MEOX2: variants seen among roughly 807,000 people sequenced by gnomAD.
MEOX2 encodes homeobox protein MOX-2.
A neutral mutation model predicts 27.0 loss-of-function variants in MEOX2; 11 were observed. That is an observed-to-expected ratio of 0.41 (90% CI 0.26 to 0.68). MEOX2 has a LOEUF of 0.68. Among genes scored for constraint, MEOX2 ranks in the 30% least tolerant of loss-of-function variants. The pLI is 0.33. For missense variants in MEOX2, 436 were observed against 385.4 expected (o/e 1.13, Z -1.10); for synonymous variants, 189 against 155.4 (o/e 1.22, Z -1.61).
intron 1 of MEOX2, among the ~76,000 whole-genome samples, chr7:15,639,746 T>C (rs1379606229): frequency 6.6e-6 from 1 of 152,066 alleles, no homozygotes; most frequent in Non-Finnish European, 1.5e-5. Context: ...TTATTTTTGT[T>C]GACTTTGTTG....
At chr7:15,673,063 C>G (rs902791369) in intron 1 of MEOX2, among the ~76,000 whole-genome samples, 5 of 152,150 alleles carry the variant, frequency 3.3e-5, no homozygotes, top group African/African-American at 1.2e-4. Context: ...TCAAAACACC[C>G]CTAACAAGGA....
At chr7:15,647,168 A>G (rs533849658) in intron 1 of MEOX2, among the ~76,000 whole-genome samples, 1 of 152,198 alleles carries the variant, frequency 6.6e-6, no homozygotes, top group East Asian at 1.9e-4. Context: ...TTTTTGATAG[A>G]TATCATGCCT....
chr7:15,639,211 T>C (rs866576836), intron 1 of MEOX2, among the ~76,000 whole-genome samples: 4 of 152,098 alleles, frequency 2.6e-5, no homozygotes, highest in Non-Finnish European at 4.4e-5. Flanking sequence ...TTTTTATTTG[T>C]ATTTCACTGA....
chr7:15,612,970 C>T (rs1415801860), intron 2 of MEOX2, among the ~76,000 whole-genome samples: 1 of 152,184 alleles, frequency 6.6e-6, no homozygotes, highest in Non-Finnish European at 1.5e-5. Flanking sequence ...AAGCCCCCCA[C>T]TCCTAAGTTC....
chr7:15,670,950 G>A (rs942615989), intron 1 of MEOX2, among the ~76,000 whole-genome samples: 4 of 152,124 alleles, frequency 2.6e-5, no homozygotes, highest in Admixed American at 1.3e-4. Context: ...CTAATGTCCA[G>A]ATAAAATAAT....
intron 1 of MEOX2, among the ~76,000 whole-genome samples, chr7:15,662,229 T>C (rs1781929341): frequency 6.6e-6 from 1 of 152,020 alleles, no homozygotes. Context: ...AGAATTCTAA[T>C]TTAGCAACTT....
Position 15,612,588 on chromosome 7 carries a change from C to T in MEOX2, c.714G>A (p.Arg238=). The T allele has an allele frequency of 6.2e-7, 1 of 1,614,050 alleles. No individual in the cohort carries two copies. The highest frequency in any genetic ancestry group is 8.5e-7 in the Non-Finnish European group (1 of 1,179,980). The part of the protein sequence containing the change: ...ERQVKVWFQN[R]RMKWKRVKGG... ...CCTTTACCCTCTTCCACTTCATCCG[C>T]CTGTTTTGGAACCAGACTTTCACCT... Residue 238 remains arginine, a synonymous_variant, in exon 3 of 3, where the codon AGG becomes AGA. Transcript: ENST00000262041.
At chr7:15,628,988 G>T (rs187619734) in intron 1 of MEOX2, among the ~76,000 whole-genome samples, 1 of 152,130 alleles carries the variant, frequency 6.6e-6, no homozygotes, top group East Asian at 1.9e-4. Context: ...AAAATCTGTG[G>T]CTGATTATTC....
chr7:15,663,753 T>C (rs184523747), intron 1 of MEOX2, among the ~76,000 whole-genome samples: 59 of 152,328 alleles, frequency 3.9e-4, no homozygotes, highest in African/African-American at 1.3e-3. Context: ...AAACGCACTG[T>C]GGCAGGCATT....
At chr7:15,682,334 A>G (rs1287355458) in intron 1 of MEOX2, among the ~76,000 whole-genome samples, 1 of 151,838 alleles carries the variant, frequency 6.6e-6, no homozygotes, top group African/African-American at 2.4e-5. Context: ...ATACTGAATG[A>G]GGTTGATAAG....
chr7:15,618,897 G>C (rs998760391), intron 2 of MEOX2, among the ~76,000 whole-genome samples: 1 of 151,720 alleles, frequency 6.6e-6, no homozygotes, highest in Admixed American at 6.6e-5. Context: ...CTTCAAAACC[G>C]TCAAAAATTT....
At chr7:15,675,293 A>C (rs1038708328) in intron 1 of MEOX2, among the ~76,000 whole-genome samples, 2 of 152,212 alleles carry the variant, frequency 1.3e-5, no homozygotes, top group African/African-American at 4.8e-5. Context: ...GAAGCTAAGA[A>C]AGTTGATCAC....
chr7:15,663,940 TAGAC>T (rs1182013693), intron 1 of MEOX2, among the ~76,000 whole-genome samples: 5 of 152,306 alleles, frequency 3.3e-5, no homozygotes, highest in Middle Eastern at 3.4e-3. Context: ...TAGATATAGA[TAGAC>T]AGACAGATAG....
At chr7:15,620,567 C>CAAT (rs968173854) in intron 2 of MEOX2, among the ~76,000 whole-genome samples, 2 of 151,826 alleles carry the variant, frequency 1.3e-5, no homozygotes, top group African/African-American at 4.8e-5. Flanking sequence ...ACAACAACAA[C>CAAT]AACAACAAAA....
intron 1 of MEOX2, among the ~76,000 whole-genome samples, chr7:15,641,914 GA>G (rs931408302): frequency 6.6e-6 from 1 of 151,560 alleles, no homozygotes; most frequent in Admixed American, 6.6e-5. Context: ...GTTGCCATTC[GA>G]AAAAAAAGGC....
intron 1 of MEOX2, among the ~76,000 whole-genome samples, chr7:15,651,803 C>T (rs1019655225): frequency 2.6e-5 from 4 of 151,958 alleles, no homozygotes. Flanking sequence ...CATTTAATGG[C>T]TTCTACCTTC....
intron 1 of MEOX2, among the ~76,000 whole-genome samples, chr7:15,639,611 T>C (rs544156117): frequency 1.2e-4 from 19 of 152,212 alleles, no homozygotes; most frequent in African/African-American, 4.3e-4. Flanking sequence ...TATGTTTAGA[T>C]CTTTGGTACA....
In MEOX2 at chr7:15,637,764, G is replaced by C. The variant is rs575087013; in HGVS notation, c.518-10846C>G. ...TCGGGGCTTTGAAGCCAGCAGACTT[G>C]GGTTGGATATCAGTTGTTGCTACTT... is the stretch of plus-strand genomic sequence containing the variant. On this transcript the variant is annotated intron_variant, in intron 1 of 2. Coordinates refer to ENST00000262041, the MANE Select transcript of MEOX2 (RefSeq NM_005924.5). Among the ~76,000 whole-genome samples, 3 of 151,824 alleles carry C rather than the reference G, an allele frequency of 2.0e-5. No homozygotes were observed. The South Asian group carries it at 6.2e-4, about 32-fold the overall frequency.
intron 1 of MEOX2, among the ~76,000 whole-genome samples, chr7:15,652,028 A>C (rs928534359): frequency 6.6e-6 from 1 of 152,046 alleles, no homozygotes; most frequent in Non-Finnish European, 1.5e-5. Context: ...GACTCTACCA[A>C]CAAAGGATCT....
Sources: allele counts gnomAD v4.1 joint callset (sites outside exome capture counted in the v4.1 genomes callset), GRCh38; gene constraint gnomAD v4.1.1; transcripts MANE v1.5; gene names NCBI Gene and HGNC (gene_info 2026-07-23, HGNC 2026-07-21).